The following ACAD11 variants were observed in gnomAD, a reference collection of about 807,000 sequenced individuals.
ACAD11 encodes the protein acyl-CoA dehydrogenase family member 11.
A neutral mutation model predicts 102.2 loss-of-function variants in ACAD11; 83 were observed. The ratio of observed to expected loss-of-function variants is 0.81; its 90% CI spans 0.68 to 0.97. The LOEUF is 0.97. ACAD11 is among the 50% of genes least tolerant of loss of function. The pLI, the probability that ACAD11 is intolerant of heterozygous loss-of-function variation, is 0.00. For synonymous variants in ACAD11, 324 were observed against 319.8 expected (o/e 1.01, Z -0.14); for missense variants, 901 against 951.7 (o/e 0.95, Z 0.70).
intron 13 of ACAD11, among the ~76,000 whole-genome samples, chr3:132,596,938 T>C (rs533422894): frequency 6.6e-6 from 1 of 152,214 alleles, no homozygotes; most frequent in Non-Finnish European, 1.5e-5. Flanking sequence ...AAAATAACTT[T>C]AGAGAGTATT....
chr3:132,587,311 T>A (rs1332120228), intron 13 of ACAD11, among the ~76,000 whole-genome samples: 4 of 152,224 alleles, frequency 2.6e-5, no homozygotes, highest in African/African-American at 9.6e-5. Flanking sequence ...GGATTGTTCA[T>A]TTCTTTACAT....
At chr3:132,651,129 G>T (rs1940918501) in intron 1 of ACAD11, among the ~76,000 whole-genome samples, 2 of 152,120 alleles carry the variant, frequency 1.3e-5, no homozygotes, top group Admixed American at 1.3e-4. Context: ...CTTCTAGTAA[G>T]CCTGGATGGA....
intron 1 of ACAD11, among the ~76,000 whole-genome samples, chr3:132,655,776 T>C (rs563093393): frequency 2.0e-4 from 31 of 152,226 alleles, no homozygotes; most frequent in Non-Finnish European, 4.1e-4. Flanking sequence ...ACATCCTCAG[T>C]GGTTGATACA....
chr3:132,618,734 C>T lies in ACAD11; in HGVS notation c.1314G>A (p.Leu438=). The change falls in exon 11 of 20, where the codon TTG becomes TTA. Residue 438 remains leucine (L), a synonymous_variant. Coordinates refer to ENST00000264990, the MANE Select transcript of ACAD11 (RefSeq NM_032169.5). ...CGTGGCTGAGTCCGCTGACAGCTGG[C>T]AAAAACAAGTTCCAGAGACCCTCGA... ...AKVEGLWNLF[L]PAVSGLSHVD... is the part of the protein sequence containing the mutation. The T allele has an allele frequency of 6.3e-7, 1 of 1,597,614 alleles. No individual in the cohort carries two copies. Among genetic ancestry groups the T allele is most frequent in the Non-Finnish European group, 8.5e-7 (1 of 1,173,528 alleles).
rs148752276 is a variant in ACAD11, at chr3:132,561,442, G to A, written c.2002-225C>T. 7.0e-4 allele frequency: 348 copies of A among 498,144 alleles called. 2 individuals carry two copies. Among genetic ancestry groups the A allele is most frequent in the African/African-American group, 6.4e-3 (327 of 51,002 alleles). The allele number at this position is 498,144 out of a possible 1,614,324, so 30.9% of individuals were successfully genotyped here. A position where few individuals can be genotyped will look rare whatever the true frequency, so the allele number is the denominator to read the frequency against. ...AGTTAAAATTGAAATATTTTAGAAAGAAATTTTATTTTCCCAGAAAAATCA... is the reference window on the plus strand; with the variant it reads ...AGTTAAAATTGAAATATTTTAGAAAAAAATTTTATTTTCCCAGAAAAATCA... On this transcript the variant is annotated intron_variant, in intron 17 of 19. Coordinates refer to ENST00000264990, the MANE Select transcript of ACAD11 (RefSeq NM_032169.5).
In ACAD11 at chr3:132,619,492, T is replaced by C. The variant is rs1289281598; in HGVS notation, c.1251A>G (p.Lys417=). 1.3e-6 allele frequency: 2 copies of C among 1,593,168 alleles called. No homozygotes were observed. Among genetic ancestry groups the C allele is most frequent in the Admixed American group, 3.6e-5 (2 of 55,698 alleles). Residue 417 remains lysine (K), a synonymous_variant, in exon 10 of 20, where the codon AAA becomes AAG. Transcript: ENST00000264990. ...CCTTGAGTTTATCAATCACTAAAGG[T>C]TTTCCCCACTTGTCCACTGAATTTT... The part of the protein sequence containing the change: ...QNENSVDKWG[K]PLVIDKLKEM...
Position 132,642,050 on chromosome 3 carries a change from C to T in ACAD11, c.459G>A (p.Leu153=). Residue 153 remains leucine, a synonymous_variant, in exon 4 of 20, where the codon TTG becomes TTA. Coordinates refer to ENST00000264990, the MANE Select transcript of ACAD11 (RefSeq NM_032169.5). ...SAIYVATVET[L]AQLHSLNIQS... ...GTATATTCAAGGAATGTAACTGAGC[C>T]AATGTTTCTACCGTGGCCACATATA... 6.2e-7 allele frequency: 1 copy of T among 1,614,058 alleles called. No homozygotes were observed. The highest frequency in any genetic ancestry group is 8.5e-7 in the Non-Finnish European group (1 of 1,179,976).
At chr3:132,600,424 A>T (rs1042931661) in intron 13 of ACAD11, 7 of 1,603,160 alleles carry the variant, frequency 4.4e-6, no homozygotes, top group Non-Finnish European at 6.0e-6. Flanking sequence ...ACCAGTCAAC[A>T]GATTATTATT....
chr3:132,578,916 G>T (rs1237789189), intron 14 of ACAD11, 35 bp from the exon 15 acceptor site: 1 of 1,609,494 alleles, frequency 6.2e-7, no homozygotes, highest in East Asian at 2.2e-5. Context: ...GAAAAAGTTT[G>T]CTAAGAAGAA....
intron 13 of ACAD11, among the ~76,000 whole-genome samples, chr3:132,602,779 C>G (rs1054574168): frequency 6.6e-6 from 1 of 152,052 alleles, no homozygotes; most frequent in Non-Finnish European, 1.5e-5. Flanking sequence ...TTTGAAAATG[C>G]TTTCACATGC....
chr3:132,649,979 A>G (rs1940874841), intron 1 of ACAD11: 1 of 152,212 alleles, frequency 6.6e-6, no homozygotes, highest in Non-Finnish European at 1.5e-5. Context: ...AGGAAAAAAG[A>G]AGATTAAAAG....
intron 1 of ACAD11, among the ~76,000 whole-genome samples, chr3:132,653,754 C>G (rs1051416026): frequency 6.6e-6 from 1 of 152,084 alleles, no homozygotes; most frequent in Admixed American, 6.6e-5. Flanking sequence ...GGTTTTCCCC[C>G]ACCTCTTTGG....
intron 11 of ACAD11, 157 bp downstream of exon 11, chr3:132,618,477 C>G (rs951648794): frequency 4.8e-5 from 32 of 669,846 alleles, no homozygotes; most frequent in African/African-American, 5.7e-5. Flanking sequence ...ATTTCAAATC[C>G]ATTTCTTATA....
chr3:132,605,136 A>C lies in ACAD11; in HGVS notation c.1484T>G (p.Leu495Arg). Residue 495 changes from leucine to arginine, a missense_variant, in exon 12 of 20, where the codon CTT (leucine) becomes CGT (arginine). Transcript: ENST00000264990. ...GCAAGAGGTAATGTTCCCTTGAAGA[A>C]GAGGCTCAAGCCACTGTTTCTTCTG... ...EEQKKQWLEPLLQGNITSCFC... is the reference protein window; with the variant it reads ...EEQKKQWLEPRLQGNITSCFC... 2 of 1,613,576 alleles carry C rather than the reference A, an allele frequency of 1.2e-6. No homozygotes were observed. The highest frequency in any genetic ancestry group is 1.7e-6 in the Non-Finnish European group (2 of 1,179,556).
At position 132,598,455 on chromosome 3, in the gene ACAD11, G is replaced by T. The variant is rs1314722793; in HGVS notation, c.1621+4774C>A. Among the ~76,000 whole-genome samples the T allele has an allele frequency of 2.0e-5, 3 of 152,306 alleles. No homozygotes were observed. In the East Asian group the frequency reaches 5.8e-4, roughly 29 times the overall value. ...TACTTTGTGCCAGGCACATTAACAA[G>T]ATTTTATTTACAAACACAAATCAAA... On this transcript the variant is annotated intron_variant, in intron 13 of 19. Coordinates refer to ENST00000264990, the MANE Select transcript of ACAD11 (RefSeq NM_032169.5).
Position 132,632,245 on chromosome 3 carries a change from G to A in ACAD11, c.703-766C>T, listed in dbSNP as rs558008933. ...ACTACAGGTGCTCGCCACCACGCCCGGCTAATTTTTTTTGTATTTTTACTA... is the reference window on the plus strand; with the variant it reads ...ACTACAGGTGCTCGCCACCACGCCCAGCTAATTTTTTTTGTATTTTTACTA... On this transcript the variant is annotated intron_variant, in intron 5 of 19. Transcript: ENST00000264990. Among the ~76,000 whole-genome samples, 9 of 152,042 alleles carry A rather than the reference G, an allele frequency of 5.9e-5. No homozygotes were observed. The East Asian group carries it at 1.2e-3, about 20-fold the overall frequency.
At chr3:132,570,305 CT>C (rs897288255) in intron 17 of ACAD11, among the ~76,000 whole-genome samples, 5 of 152,072 alleles carry the variant, frequency 3.3e-5, no homozygotes, top group African/African-American at 9.7e-5. Context: ...TTGTGGGTTA[CT>C]GTTAAGCTAA....
intron 13 of ACAD11, among the ~76,000 whole-genome samples, chr3:132,589,190 G>A (rs796725070): frequency 6.6e-6 from 1 of 152,160 alleles, no homozygotes; most frequent in Non-Finnish European, 1.5e-5. Flanking sequence ...CTAGAACCAT[G>A]AGAAATACAT....
intron 13 of ACAD11, among the ~76,000 whole-genome samples, chr3:132,602,633 A>T (rs1448150005): frequency 6.6e-6 from 1 of 152,206 alleles, no homozygotes; most frequent in African/African-American, 2.4e-5. Flanking sequence ...TAGCAATTAC[A>T]TTGGTCAAAA....
Sources: allele counts gnomAD v4.1 joint callset (sites outside exome capture counted in the v4.1 genomes callset), GRCh38; gene constraint gnomAD v4.1.1; transcripts MANE v1.5; gene names NCBI Gene and HGNC (gene_info 2026-07-23, HGNC 2026-07-21).